Variants in MPP3 observed in about 807,000 individuals in gnomAD.
The protein encoded by MPP3 is MAGUK p55 scaffold protein 3.
Under a neutral mutation model 80.7 loss-of-function variants are expected in MPP3, and 48 were observed. The ratio of observed to expected loss-of-function variants is 0.59; its 90% CI spans 0.47 to 0.76. MPP3 has a LOEUF of 0.76. Among genes scored for constraint, MPP3 ranks in the 30% least tolerant of loss-of-function variants. The pLI is 0.00. For synonymous variants in MPP3, 311 were observed against 297.6 expected (o/e 1.04, Z -0.46); for missense variants, 620 against 763.0 (o/e 0.81, Z 2.21).
intron 2 of MPP3, chr17:43,832,206 C>G (rs1470276750): frequency 6.2e-5 from 30 of 484,948 alleles, no homozygotes; most frequent in Middle Eastern, 1.0e-3. Context: ...TGCGAATGTT[C>G]CCATTTTATT....
At chr17:43,822,597 C>A (rs968241506) in intron 10 of MPP3, among the ~76,000 whole-genome samples, 4 of 150,906 alleles carry the variant, frequency 2.7e-5, no homozygotes, top group Non-Finnish European at 5.9e-5. Flanking sequence ...CTGCCTCCAA[C>A]CTCTACCCAC....
chr17:43,830,219 C>G, intron 5 of MPP3, 112 bp from the exon 6 acceptor site: 1 of 680,156 alleles, frequency 1.5e-6, no homozygotes, highest in Non-Finnish European at 2.3e-6. Context: ...AGGGGCACAC[C>G]AGACCCTCAA....
intron 8 of MPP3, among the ~76,000 whole-genome samples, chr17:43,826,583 T>C (rs1019922458): frequency 7.2e-5 from 11 of 152,186 alleles, no homozygotes; most frequent in Admixed American, 4.6e-4. Flanking sequence ...CCCAGCTTAG[T>C]AGCTCTTCCA....
In MPP3 at chr17:43,801,659, G is replaced by T; in HGVS notation, c.*42C>A. Reference sequence around the variant, plus strand: ...TAAAATGAGGGAGTCTGGACTAGATGATCTTCAAGGTCCCGTCCAGCTTGG... The same window carrying T: ...TAAAATGAGGGAGTCTGGACTAGATTATCTTCAAGGTCCCGTCCAGCTTGG... On this transcript the variant is annotated 3_prime_UTR_variant, in exon 20 of 20. Coordinates refer to ENST00000398389, the MANE Select transcript of MPP3 (RefSeq NM_001932.6). The T allele has an allele frequency of 6.3e-7, 1 of 1,583,340 alleles. No individual in the cohort carries two copies. Among genetic ancestry groups the T allele is most frequent in the Non-Finnish European group, 8.7e-7 (1 of 1,153,320 alleles).
intron 5 of MPP3, among the ~76,000 whole-genome samples, 186 bp from the exon 6 acceptor site, chr17:43,830,293 T>C (rs537009488): frequency 6.6e-6 from 1 of 152,268 alleles, no homozygotes; most frequent in African/African-American, 2.4e-5. Context: ...TATGGGGCCA[T>C]CCTCCAAGGA....
intron 4 of MPP3, 63 bp downstream of exon 4, chr17:43,831,496 C>A: frequency 7.2e-7 from 1 of 1,389,716 alleles, no homozygotes; most frequent in South Asian, 1.2e-5. Flanking sequence ...TGACCTCAGA[C>A]GGCCACAGAC....
At chr17:43,816,609 C>T in intron 13 of MPP3, 68 bp downstream of exon 13, 2 of 1,442,176 alleles carry the variant, frequency 1.4e-6, no homozygotes, top group African/African-American at 1.4e-5. Context: ...AACACGAGCC[C>T]CTCAGGCCCC....
chr17:43,824,146 G>C lies in MPP3; in HGVS notation c.610-141C>G, dbSNP rs148750016. 210 of 548,440 alleles carry C rather than the reference G, an allele frequency of 3.8e-4. 2 individuals are homozygous for C. The highest frequency in any genetic ancestry group is 3.6e-3 in the African/African-American group (182 of 50,410). 34.0% of individuals were successfully genotyped at this position (548,440 alleles called of 1,614,324 possible). A position where few individuals can be genotyped will look rare whatever the true frequency, so the allele number is the denominator to read the frequency against. On this transcript the variant is annotated intron_variant, in intron 9 of 19. Transcript: ENST00000398389. ...CTGAGGCCCACTCTTCTAGGATGGT[G>C]CCCTGGTTGAATGAACTAAAACAAA... is the stretch of plus-strand genomic sequence containing the variant.
chr17:43,821,460 A>G (rs921150273), intron 10 of MPP3, among the ~76,000 whole-genome samples: 2 of 152,248 alleles, frequency 1.3e-5, no homozygotes, highest in African/African-American at 4.8e-5. Flanking sequence ...GCGCTGACGG[A>G]AGGCAGCAGC....
intron 16 of MPP3, among the ~76,000 whole-genome samples, chr17:43,813,713 G>A (rs1406700957): frequency 2.0e-5 from 3 of 152,114 alleles, no homozygotes; most frequent in African/African-American, 7.2e-5. Flanking sequence ...TACTGTGGGG[G>A]CCCCGTGGTG....
At chr17:43,825,710 G>T (rs372537361) in intron 9 of MPP3, 46 bp downstream of exon 9, 1 of 1,267,868 alleles carries the variant, frequency 7.9e-7, no homozygotes, top group Admixed American at 1.7e-5. Flanking sequence ...CCTTGCTCTG[G>T]GTGTCTGAAG....
chr17:43,820,911 C>G lies in MPP3; in HGVS notation c.832G>C (p.Asp278His), dbSNP rs2045425216. ...ATGAGGCCGGCTCGAAGGTTGGTGTCCCCGACTCGCTTGGCCTGCCACCAC... is the reference window on the plus strand; with the variant it reads ...ATGAGGCCGGCTCGAAGGTTGGTGTGCCCGACTCGCTTGGCCTGCCACCAC... ...PTWWQAKRVG[D>H]TNLRAGLIPS... Residue 278 changes from aspartate to histidine, a missense_variant, in exon 11 of 20, where the codon GAC becomes CAC. Coordinates refer to ENST00000398389, the MANE Select transcript of MPP3 (RefSeq NM_001932.6). 3 of 1,614,168 alleles carry G rather than the reference C, an allele frequency of 1.9e-6. No individual in the cohort carries two copies. Among genetic ancestry groups the G allele is most frequent in the Non-Finnish European group, 2.5e-6 (3 of 1,180,038 alleles).
At chr17:43,802,732 C>T (rs1320424612) in intron 19 of MPP3, among the ~76,000 whole-genome samples, 1 of 152,184 alleles carries the variant, frequency 6.6e-6, no homozygotes, top group African/African-American at 2.4e-5. Flanking sequence ...TTGTCGCTGG[C>T]ATTCACTCAC....
At position 43,805,104 on chromosome 17, in the gene MPP3, G is replaced by C. The variant is rs780049071; in HGVS notation, c.1582-3227C>G. Reference sequence around the variant, plus strand: ...CTGACAAGGGACTTGTATCCAAATAGATAAAGAATTCTTACAACTCAATAA... The same window carrying C: ...CTGACAAGGGACTTGTATCCAAATACATAAAGAATTCTTACAACTCAATAA... On this transcript the variant is annotated intron_variant, in intron 19 of 19. Coordinates refer to ENST00000398389, the MANE Select transcript of MPP3 (RefSeq NM_001932.6). Among the ~76,000 whole-genome samples the C allele has an allele frequency of 5.3e-5, 8 of 152,122 alleles. No homozygotes were observed. In the South Asian group the frequency reaches 6.2e-4, roughly 12 times the overall value.
At chr17:43,829,085 TC>T (rs1279346577) in intron 7 of MPP3, among the ~76,000 whole-genome samples, 5 of 152,178 alleles carry the variant, frequency 3.3e-5, no homozygotes, top group Admixed American at 3.3e-4. Context: ...GTCCCTTTGC[TC>T]GGTAAATCAA....
chr17:43,808,808 T>C (rs1567798298), intron 19 of MPP3, 148 bp downstream of exon 19: 1 of 955,804 alleles, frequency 1.0e-6, no homozygotes, highest in East Asian at 3.0e-5. Flanking sequence ...CTCTTAAGTT[T>C]TTCAATAGGC....
chr17:43,828,108 A>G (rs1251084674), intron 7 of MPP3, among the ~76,000 whole-genome samples: 1 of 152,182 alleles, frequency 6.6e-6, no homozygotes, highest in Non-Finnish European at 1.5e-5. Context: ...CCAGCTGGTA[A>G]AGGGGAAAGC....
chr17:43,833,132 G>A lies in MPP3; in HGVS notation c.-128C>T, dbSNP rs1046351403. On this transcript the variant is annotated 5_prime_UTR_variant, in exon 1 of 20. Transcript: ENST00000398389. ...GCGCCGGGATGTGTGCTCCGCGAAC[G>A]GGAGCCGCGCGAGTGCCCAGAGCCT... 2.7e-5 allele frequency: 4 copies of A among 150,202 alleles called. No individual in the cohort carries two copies. The highest frequency in any genetic ancestry group is 4.4e-5 in the Non-Finnish European group (3 of 67,472). The allele number at this position is 150,202 out of a possible 1,614,324, so 9.3% of individuals were successfully genotyped here.
In MPP3 at chr17:43,829,684, G is replaced by A. The variant is rs142229067; in HGVS notation, c.411C>T (p.Ile137=). 3,340 of 1,614,054 alleles carry A rather than the reference G, an allele frequency of 2.1e-3. 7 individuals carry two copies. Among genetic ancestry groups the A allele is most frequent in the Non-Finnish European group, 2.5e-3 (2,986 of 1,179,996 alleles). ...GTTCCTTGTTCTTCACCAAGCGGAC[G>A]ATCTTCACCGATTCCTCATCAAAAT... ...DEDFDEESVK[I]VRLVKNKEPL... The change falls in exon 7 of 20, where the codon ATC becomes ATT. Residue 137 remains isoleucine (I), a synonymous_variant. Coordinates refer to ENST00000398389, the MANE Select transcript of MPP3 (RefSeq NM_001932.6).
Sources: allele counts gnomAD v4.1 joint callset (sites outside exome capture counted in the v4.1 genomes callset), GRCh38; gene constraint gnomAD v4.1.1; transcripts MANE v1.5; gene names NCBI Gene and HGNC (gene_info 2026-07-23, HGNC 2026-07-21).